ATP5MC1: variants seen among roughly 807,000 people sequenced by gnomAD.
ATP5MC1 encodes the protein ATP synthase membrane subunit c locus 1.
In ATP5MC1, 4 loss-of-function variants were observed where a neutral mutation model predicts 12.1. The observed-to-expected ratio is 0.33, with a 90% CI of 0.16 to 0.76. The LOEUF (loss-of-function observed/expected upper bound fraction) is 0.76, where lower values mean the gene tolerates loss of function less well. Ranked by LOEUF, ATP5MC1 falls within the 30% of genes least tolerant of loss-of-function variation. ATP5MC1 has a pLI of 0.61. For synonymous variants in ATP5MC1, 52 were observed against 66.0 expected (o/e 0.79, Z 1.03); for missense variants, 117 against 172.1 (o/e 0.68, Z 1.79).
chr17:48,894,791 T>C, intron 3 of ATP5MC1: 1 of 521,824 alleles, frequency 1.9e-6, no homozygotes, highest in Admixed American at 2.3e-5. Context: ...TTTTTTTAAA[T>C]CAAGGAATGT....
Position 48,895,652 on chromosome 17 carries a change from C to T in ATP5MC1, c.297-3C>T. The T allele has an allele frequency of 6.2e-7, 1 of 1,613,484 alleles. No homozygotes were observed. The highest frequency in any genetic ancestry group is 8.5e-7 in the Non-Finnish European group (1 of 1,179,534). On this transcript the variant is annotated splice_polypyrimidine_tract_variant and splice_region_variant and intron_variant, in intron 4 of 4. Transcript: ENST00000393366. ...AACTGGCAATGATCTCTGTCCCTCC[C>T]AGGAACCCGTCTCTCAAGCAGCAGC...
At chr17:48,895,476 C>A in intron 4 of ATP5MC1, 142 bp downstream of exon 4, 1 of 1,381,874 alleles carries the variant, frequency 7.2e-7, no homozygotes, top group Non-Finnish European at 9.9e-7. Context: ...TGCATCCAGC[C>A]TGGCTCACTT....
At chr17:48,893,138 A>C (rs1167146703) in intron 1 of ATP5MC1, 4 of 471,102 alleles carry the variant, frequency 8.5e-6, no homozygotes, top group Non-Finnish European at 1.5e-5. Context: ...ATCCGCCTCC[A>C]GTCTTCCCGA....
At chr17:48,893,503 G>A in intron 2 of ATP5MC1, 47 bp downstream of exon 2, 7 of 1,602,254 alleles carry the variant, frequency 4.4e-6, no homozygotes, top group Non-Finnish European at 6.0e-6. Context: ...TGTATGGTGT[G>A]GACGCCATCA....
At chr17:48,893,621 C>T in intron 2 of ATP5MC1, 165 bp downstream of exon 2, 1 of 762,500 alleles carries the variant, frequency 1.3e-6, no homozygotes, top group African/African-American at 1.7e-5. Context: ...GGCCTGTGAA[C>T]CAAGCTATCT....
intron 2 of ATP5MC1, 186 bp downstream of exon 2, chr17:48,893,642 A>G: frequency 7.4e-6 from 5 of 675,766 alleles, no homozygotes. Context: ...TGGCTTTGGA[A>G]TGTGGTCAGA....
intron 3 of ATP5MC1, 131 bp downstream of exon 3, chr17:48,894,580 C>T: frequency 1.1e-6 from 1 of 873,258 alleles, no homozygotes; most frequent in Non-Finnish European, 1.8e-6. Flanking sequence ...CCAGCCTGGG[C>T]AACACAGTGA....
At chr17:48,894,107 A>G in intron 2 of ATP5MC1, 1 of 415,370 alleles carries the variant, frequency 2.4e-6, no homozygotes, top group Non-Finnish European at 4.5e-6. Context: ...TTCTTGTTCC[A>G]TTCTGAGAAG....
Position 48,895,832 on chromosome 17 carries a change from G to A in ATP5MC1, c.*63G>A, listed in dbSNP as rs2040568338. 8 of 1,469,906 alleles carry A rather than the reference G, an allele frequency of 5.4e-6. No individual in the cohort carries two copies. In the South Asian group the frequency reaches 9.1e-5, roughly 17 times the overall value. The allele number at this position is 1,469,906 out of a possible 1,614,324, so 91.1% of individuals were successfully genotyped here. A position where few individuals can be genotyped will look rare whatever the true frequency, so the allele number is the denominator to read the frequency against. On this transcript the variant is annotated 3_prime_UTR_variant, in exon 5 of 5. Transcript: ENST00000393366. ...ACTCCACACCATTCTTGGTGCTGGG[G>A]TGTGTTAAGCTTTACCATTAAACAC...
Position 48,895,770 on chromosome 17 carries a change from G to A in ATP5MC1, c.*1G>A, listed in dbSNP as rs778987321. On this transcript the variant is annotated 3_prime_UTR_variant, in exon 5 of 5. Coordinates refer to ENST00000393366, the MANE Select transcript of ATP5MC1 (RefSeq NM_005175.3). The stretch of plus-strand genomic sequence containing the variant: ...CTTCCTCATCCTCTTCGCCATGTGA[G>A]GCTCCATGGGGGGGTCACCGGCCTG... 2.0e-6 allele frequency: 3 copies of A among 1,465,254 alleles called. No homozygotes were observed. The African/African-American group carries it at 7.8e-5, about 38-fold the overall frequency. The allele number at this position is 1,465,254 out of a possible 1,614,324, so 90.8% of individuals were successfully genotyped here.
At chr17:48,894,094 G>A (rs2040551722) in intron 2 of ATP5MC1, 6 of 379,706 alleles carry the variant, frequency 1.6e-5, no homozygotes, top group Non-Finnish European at 2.9e-5. Context: ...GTATTAGTGT[G>A]GGTTCTTGTT....
chr17:48,894,527 AGAGGCT>A (rs1370334566), intron 3 of ATP5MC1, 78 bp downstream of exon 3: 7 of 1,446,974 alleles, frequency 4.8e-6, no homozygotes, highest in Non-Finnish European at 6.8e-6. Context: ...CAGCTCTTTG[AGAGGCT>A]GAGGCGAGAG....
At chr17:48,893,783 C>A (rs2040550279) in intron 2 of ATP5MC1, 2 of 374,094 alleles carry the variant, frequency 5.3e-6, no homozygotes, top group East Asian at 5.0e-5. Context: ...GCCTAGGCTG[C>A]ACCTTAGACC....
intron 3 of ATP5MC1, 181 bp downstream of exon 3, chr17:48,894,630 T>C: frequency 1.8e-6 from 1 of 565,654 alleles, no homozygotes; most frequent in Non-Finnish European, 3.1e-6. Flanking sequence ...ATTAGCCATG[T>C]GTGGTGGCAT....
At chr17:48,894,294 A>G in intron 2 of ATP5MC1, 78 bp from the exon 3 acceptor site, 1 of 1,313,654 alleles carries the variant, frequency 7.6e-7, no homozygotes, top group East Asian at 2.3e-5. Context: ...TGAAATCTGT[A>G]GTCATTTTTG....
Position 48,895,715 on chromosome 17 carries a change from G to T in ATP5MC1, c.357G>T (p.Glu119Asp). 1 of 1,614,040 alleles carries T rather than the reference G, an allele frequency of 6.2e-7. No individual in the cohort carries two copies. Among genetic ancestry groups the T allele is most frequent in the Non-Finnish European group, 8.5e-7 (1 of 1,180,018 alleles). Reference protein sequence around the residue: ...SYAILGFALSEAMGLFCLMVA... With the variant: ...SYAILGFALSDAMGLFCLMVA... ...CCATTCTTGGCTTTGCCCTGTCTGAGGCCATGGGGCTTTTCTGTTTGATGG... is the reference window on the plus strand; with the variant it reads ...CCATTCTTGGCTTTGCCCTGTCTGATGCCATGGGGCTTTTCTGTTTGATGG... Residue 119 changes from glutamate (E) to aspartate (D), a missense_variant, in exon 5 of 5, where the codon GAG (glutamate) becomes GAT (aspartate). Transcript: ENST00000393366.
chr17:48,894,882 T>C (rs1297490377), intron 3 of ATP5MC1: 1 of 601,504 alleles, frequency 1.7e-6, no homozygotes, highest in East Asian at 3.7e-5. Context: ...GCTTTAATAG[T>C]TCTAAGTCCC....
At chr17:48,894,603 A>G in intron 3 of ATP5MC1, 154 bp downstream of exon 3, 2 of 705,186 alleles carry the variant, frequency 2.8e-6, no homozygotes, top group Non-Finnish European at 2.4e-6. Context: ...CCCCATCTCT[A>G]CAAAAAAAAT....
chr17:48,894,809 C>A lies in ATP5MC1; in HGVS notation c.118-347C>A, dbSNP rs1053778380. ...TTTTAAATCAAGGAATGTTCCCAGA[C>A]AGGGGTCCTTCAGCTTAAGTTGCCT... On this transcript the variant is annotated intron_variant, in intron 3 of 4. Transcript: ENST00000393366. 5.6e-6 allele frequency: 3 copies of A among 534,204 alleles called. No homozygotes were observed. In the African/African-American group the frequency reaches 5.7e-5, roughly 10 times the overall value. The allele number at this position is 534,204 out of a possible 1,614,324, so 33.1% of individuals were successfully genotyped here. A position where few individuals can be genotyped will look rare whatever the true frequency, so the allele number is the denominator to read the frequency against.
Sources: allele counts gnomAD v4.1 joint callset, GRCh38; gene constraint gnomAD v4.1.1; transcripts MANE v1.5; gene names NCBI Gene and HGNC (gene_info 2026-07-23, HGNC 2026-07-21).